The following NRXN3 variants were observed in gnomAD, a reference collection of about 807,000 sequenced individuals.
NRXN3 encodes neurexin 3.
Under a neutral mutation model 137.6 loss-of-function variants are expected in NRXN3, and 32 were observed. That is an observed-to-expected ratio of 0.23 (90% CI 0.18 to 0.31). NRXN3 has a LOEUF of 0.31. Among genes scored for constraint, NRXN3 ranks in the 10% least tolerant of loss-of-function variants. The pLI is 1.00. For missense variants in NRXN3, 1,574 were observed against 2,062.5 expected (o/e 0.76, Z 4.59); for synonymous variants, 798 against 784.5 (o/e 1.02, Z -0.29).
At chr14:78,785,107 G>T (rs1243419300) in intron 8 of NRXN3, among the ~76,000 whole-genome samples, 1 of 152,150 alleles carries the variant, frequency 6.6e-6, no homozygotes, top group African/African-American at 2.4e-5. Context: ...AAGATAAAAT[G>T]AACAGAAAAA....
intron 15 of NRXN3, among the ~76,000 whole-genome samples, chr14:79,443,183 A>G (rs935156965): frequency 2.0e-5 from 3 of 152,240 alleles, no homozygotes; most frequent in Non-Finnish European, 4.4e-5. Context: ...GAGTTCATGT[A>G]TTTGACTTCC....
chr14:78,406,541 G>A (rs1004849663), intron 4 of NRXN3, among the ~76,000 whole-genome samples: 1 of 152,198 alleles, frequency 6.6e-6, no homozygotes. Flanking sequence ...AGAAGAAGGG[G>A]AACGAATGGT....
chr14:78,837,145 C>T (rs1299142524), intron 10 of NRXN3, among the ~76,000 whole-genome samples: 3 of 152,156 alleles, frequency 2.0e-5, no homozygotes, highest in Non-Finnish European at 2.9e-5. Flanking sequence ...GCACCTCTAT[C>T]GAGCCCTATT....
intron 15 of NRXN3, among the ~76,000 whole-genome samples, chr14:79,108,132 A>G (rs2152870437): frequency 6.6e-6 from 1 of 152,292 alleles, no homozygotes; most frequent in East Asian, 1.9e-4. Context: ...ATTAATGTGT[A>G]TGGGGACAGA....
At chr14:78,382,664 C>T (rs2089324155) in intron 4 of NRXN3, among the ~76,000 whole-genome samples, 1 of 152,170 alleles carries the variant, frequency 6.6e-6, no homozygotes, top group Admixed American at 6.5e-5. Flanking sequence ...TTGCAGATCC[C>T]GCTATCCATT....
intron 16 of NRXN3, among the ~76,000 whole-genome samples, chr14:79,511,473 C>T (rs1187058057): frequency 2.6e-5 from 4 of 152,180 alleles, no homozygotes; most frequent in Non-Finnish European, 4.4e-5. Context: ...CCCTTACCAC[C>T]AGCTATCTAA....
rs74066520 is a variant in NRXN3 at position 78,418,830 on chromosome 14, T to G, written c.757+120970T>G. 7.1e-3 allele frequency among the ~76,000 whole-genome samples: 1,088 copies of G among 152,348 alleles called. 12 individuals carry two copies. The highest frequency in any genetic ancestry group is 0.025 in the African/African-American group (1,043 of 41,588). ...TACTTCATTTCAATTTATAACTTTA[T>G]GAGGCAGATACATTTTCATTTCTAT... On this transcript the variant is annotated intron_variant, in intron 4 of 20. Transcript: ENST00000335750.
intron 15 of NRXN3, among the ~76,000 whole-genome samples, chr14:79,144,615 A>G (rs1247316963): frequency 6.6e-6 from 1 of 152,194 alleles, no homozygotes; most frequent in Non-Finnish European, 1.5e-5. Context: ...GCCAGTGAAG[A>G]TGTTGTCAAT....
At chr14:79,444,577 T>C (rs952070461) in intron 15 of NRXN3, among the ~76,000 whole-genome samples, 3 of 152,172 alleles carry the variant, frequency 2.0e-5, no homozygotes, top group Admixed American at 1.3e-4. Context: ...GCAATCCCAT[T>C]ACTTTGGGAG....
chr14:79,520,544 AG>A, intron 16 of NRXN3, among the ~76,000 whole-genome samples: 1 of 152,148 alleles, frequency 6.6e-6, no homozygotes, highest in South Asian at 2.1e-4. Context: ...TGCAGTGTTT[AG>A]TTTCTGTTCC....
Position 79,412,873 on chromosome 14 carries a change from A to G in NRXN3, c.3263-54348A>G, listed in dbSNP as rs145400563. ...TTAAAATAAGAAGGGGCTAATACCA[A>G]TAAAATGCATAGCAAGTTGACTATT... On this transcript the variant is annotated intron_variant, in intron 15 of 20. Coordinates refer to ENST00000335750, the MANE Select transcript of NRXN3 (RefSeq NM_001330195.2). 8.4e-3 allele frequency among the ~76,000 whole-genome samples: 1,282 copies of G among 152,016 alleles called. 13 individuals carry two copies. The highest frequency in any genetic ancestry group is 0.029 in the African/African-American group (1,208 of 41,502).
chr14:79,510,981 C>T (rs1334236656), intron 16 of NRXN3, among the ~76,000 whole-genome samples: 4 of 152,124 alleles, frequency 2.6e-5, no homozygotes, highest in Non-Finnish European at 4.4e-5. Context: ...CTGATGCACT[C>T]AATCTTGAGT....
At chr14:78,255,195 C>T (rs960925968) in intron 2 of NRXN3, among the ~76,000 whole-genome samples, 1 of 151,414 alleles carries the variant, frequency 6.6e-6, no homozygotes, top group Middle Eastern at 3.4e-3. Flanking sequence ...AAAAGGAACC[C>T]GTCTCATCAT....
chr14:79,518,219 A>G (rs1408759383), intron 16 of NRXN3, among the ~76,000 whole-genome samples: 1 of 151,492 alleles, frequency 6.6e-6, no homozygotes, highest in Admixed American at 6.6e-5. Flanking sequence ...TTTCTTTTAT[A>G]TTTTTTTATA....
At chr14:79,692,536 T>C (rs2098720426) in intron 18 of NRXN3, among the ~76,000 whole-genome samples, 1 of 152,074 alleles carries the variant, frequency 6.6e-6, no homozygotes, top group Non-Finnish European at 1.5e-5. Context: ...AAAACAGAAA[T>C]GTATTATGGC....
chr14:78,871,269 AC>A (rs1012951761), intron 10 of NRXN3, among the ~76,000 whole-genome samples: 1 of 151,688 alleles, frequency 6.6e-6, no homozygotes, highest in African/African-American at 2.4e-5. Context: ...GGGTGAGATG[AC>A]GTCTTATCGT....
At chr14:78,980,439 A>C (rs1389423507) in intron 14 of NRXN3, among the ~76,000 whole-genome samples, 1 of 152,222 alleles carries the variant, frequency 6.6e-6, no homozygotes, top group Non-Finnish European at 1.5e-5. Flanking sequence ...AACAGAGGGA[A>C]AGTGCATTCT....
chr14:79,401,412 C>A (rs1160314821), intron 15 of NRXN3, among the ~76,000 whole-genome samples: 1 of 152,078 alleles, frequency 6.6e-6, no homozygotes, highest in Non-Finnish European at 1.5e-5. Flanking sequence ...TCCTCTAGTC[C>A]CACACCAGAC....
intron 10 of NRXN3, among the ~76,000 whole-genome samples, chr14:78,892,740 C>CTGTG: frequency 6.6e-6 from 1 of 150,530 alleles, no homozygotes; most frequent in South Asian, 2.1e-4. Flanking sequence ...CAGCAGGCAA[C>CTGTG]TTAATTTCAA....
Sources: gnomAD v4.1 joint callset for allele counts (sites outside exome capture counted in the v4.1 genomes callset) on GRCh38, gnomAD v4.1.1 for gene constraint, MANE v1.5 for transcripts, NCBI Gene and HGNC (gene_info 2026-07-23, HGNC 2026-07-21) for gene names.